Variants in CELF2 observed in about 807,000 individuals in gnomAD.
CELF2 encodes CUGBP Elav-like family member 2.
CELF2 carries 8 observed loss-of-function variants against 62.6 expected under a neutral mutation model. The ratio of observed to expected loss-of-function variants is 0.13; its 90% CI spans 0.07 to 0.23. The LOEUF is 0.23. Among genes scored for constraint, CELF2 ranks in the 10% least tolerant of loss-of-function variants. The pLI is 1.00. For missense variants in CELF2, 333 were observed against 671.0 expected, an observed-to-expected ratio of 0.50 and a Z score of 5.56; for synonymous variants, 258 against 250.0, an observed-to-expected ratio of 1.03 and a Z score of -0.30.
the CELF2 span, among the ~76,000 whole-genome samples, chr10:10,527,446 C>CA: frequency 0.49 from 61,736 of 125,770 alleles, 14,896 homozygotes; most frequent in South Asian, 0.66. Flanking sequence ...AACTCTGTCT[C>CA]AAAAAAAAAA....
intron 2 of CELF2, among the ~76,000 whole-genome samples, chr10:10,945,676 G>A (rs1592250279): frequency 1.3e-5 from 2 of 152,248 alleles, no homozygotes; most frequent in East Asian, 3.9e-4. Context: ...CCCCTCTCTG[G>A]GTGTATCTGA....
chr10:10,673,132 A>G, the CELF2 span, among the ~76,000 whole-genome samples: 2 of 152,062 alleles, frequency 1.3e-5, no homozygotes, highest in Admixed American at 6.5e-5. Context: ...TATTCACTTT[A>G]TATAACTTTA....
intron 4 of CELF2, 75 bp from the exon 5 acceptor site, chr10:11,257,663 A>T (rs2079235637): frequency 1.3e-6 from 2 of 1,539,774 alleles, no homozygotes; most frequent in Non-Finnish European, 1.8e-6. Context: ...GCCTGGTTTG[A>T]TGGGGTAATG....
At chr10:11,266,910 G>T (rs1340873892) in intron 6 of CELF2, among the ~76,000 whole-genome samples, 2 of 151,984 alleles carry the variant, frequency 1.3e-5, no homozygotes, top group East Asian at 3.9e-4. Flanking sequence ...TTGCTCTCCA[G>T]TTATTTATTT....
intron 1 of CELF2, among the ~76,000 whole-genome samples, chr10:11,138,498 A>C (rs1290444422): frequency 6.6e-6 from 1 of 152,120 alleles, no homozygotes; most frequent in Non-Finnish European, 1.5e-5. Context: ...TATTTTATTC[A>C]TTCTGTGTTT....
At chr10:10,859,238 T>A (rs1591277532) in intron 1 of CELF2, among the ~76,000 whole-genome samples, 2 of 152,304 alleles carry the variant, frequency 1.3e-5, no homozygotes, top group East Asian at 3.9e-4. Context: ...AATTTAATAA[T>A]CAGACCAAGG....
chr10:10,621,847 C>T, the CELF2 span, among the ~76,000 whole-genome samples: 3 of 152,120 alleles, frequency 2.0e-5, no homozygotes, highest in Non-Finnish European at 4.4e-5. Context: ...TAAATGTAAG[C>T]ACCCTTCCAC....
intron 5 of CELF2, among the ~76,000 whole-genome samples, chr10:11,264,033 GACAGCTTCTGTCTTACTGC>G (rs1342781925): frequency 1.4e-4 from 21 of 152,182 alleles, no homozygotes; most frequent in African/African-American, 4.8e-4. Flanking sequence ...CCCCTAAGGA[GACAGCTTCTGTCTTACTGC>G]ACCACTGCCA....
At chr10:10,935,601 C>T (rs913387660) in intron 2 of CELF2, among the ~76,000 whole-genome samples, 3 of 152,074 alleles carry the variant, frequency 2.0e-5, no homozygotes, top group Non-Finnish European at 2.9e-5. Context: ...TACAGGGATG[C>T]CTGGGAAGTT....
rs1488775405 is a variant in CELF2 at position 10,993,525 on chromosome 10, T to C, written c.89+73526T>C. 6.6e-6 allele frequency among the ~76,000 whole-genome samples: 1 copy of C among 152,180 alleles called. No homozygotes were observed. The highest frequency in any genetic ancestry group is 1.5e-5 in the Non-Finnish European group (1 of 68,038). ...ATCCTGGTATAGAAGTCTAACAGCC[T>C]AAGCCACTGGGAACACACTTGTAGT... is the stretch of plus-strand genomic sequence containing the variant. On this transcript the variant is annotated intron_variant, in intron 2 of 13. Coordinates refer to the CELF2 transcript ENST00000636488. The surrounding 1 kb of genome is among the most constrained non-coding windows in gnomAD (Gnocchi z 5.3).
chr10:10,869,455 G>A (rs1009639416), intron 1 of CELF2, among the ~76,000 whole-genome samples: 4 of 151,964 alleles, frequency 2.6e-5, no homozygotes, highest in African/African-American at 9.7e-5. Flanking sequence ...CCAGCTACTT[G>A]GGAGGCTGAG....
At chr10:11,281,562 G>A (rs749773864) in intron 8 of CELF2, among the ~76,000 whole-genome samples, 14 of 152,074 alleles carry the variant, frequency 9.2e-5, no homozygotes, top group African/African-American at 2.7e-4. Flanking sequence ...CGGAGTTCCC[G>A]ACCAGCCTGA....
the CELF2 span, among the ~76,000 whole-genome samples, chr10:10,714,512 C>T: frequency 6.6e-6 from 1 of 152,134 alleles, no homozygotes; most frequent in Non-Finnish European, 1.5e-5. Context: ...TCACAGACTA[C>T]CTTGCATCTT....
the CELF2 span, among the ~76,000 whole-genome samples, chr10:10,470,173 A>C: frequency 6.6e-6 from 1 of 151,858 alleles, no homozygotes; most frequent in Non-Finnish European, 1.5e-5. Context: ...CTCAACCTTC[A>C]TGGCCATAAA....
chr10:10,696,386 A>T, the CELF2 span, among the ~76,000 whole-genome samples: 1 of 151,686 alleles, frequency 6.6e-6, no homozygotes, highest in Non-Finnish European at 1.5e-5. Context: ...GCATGCTGGG[A>T]GAACCACTGC....
chr10:10,700,821 C>T, the CELF2 span, among the ~76,000 whole-genome samples: 1 of 152,198 alleles, frequency 6.6e-6, no homozygotes, highest in South Asian at 2.1e-4. Flanking sequence ...ACATTTAAAG[C>T]TAATACAATT....
intron 2 of CELF2, among the ~76,000 whole-genome samples, chr10:10,977,353 T>C (rs139757705): frequency 5.3e-4 from 81 of 152,366 alleles, no homozygotes; most frequent in African/African-American, 1.9e-3. Context: ...TTCCAAATAC[T>C]ATATCAGCAA....
Position 10,990,494 on chromosome 10 carries a change from C to T in CELF2, c.89+70495C>T, listed in dbSNP as rs1015319188. Among the ~76,000 whole-genome samples, 3 of 151,974 alleles carry T rather than the reference C, an allele frequency of 2.0e-5. No individual in the cohort carries two copies. The highest frequency in any genetic ancestry group is 4.4e-5 in the Non-Finnish European group (3 of 67,978). Reference sequence around the variant, plus strand: ...TTTTGTAATCATTAAAAACAATAAACGTTATTTTTAAGAGAATCATGTTCT... The same window carrying T: ...TTTTGTAATCATTAAAAACAATAAATGTTATTTTTAAGAGAATCATGTTCT... On this transcript the variant is annotated intron_variant, in intron 2 of 13. Transcript: ENST00000636488. The surrounding 1 kb of genome is among the most constrained non-coding windows in gnomAD (Gnocchi z 4.6).
the CELF2 span, among the ~76,000 whole-genome samples, chr10:10,602,163 ATG>A: frequency 2.0e-5 from 3 of 152,050 alleles, no homozygotes; most frequent in Non-Finnish European, 4.4e-5. Flanking sequence ...GGTTGATTCC[ATG>A]TCTTTGCTAT....
Sources: allele counts gnomAD v4.1 joint callset (sites outside exome capture counted in the v4.1 genomes callset), GRCh38; gene constraint gnomAD v4.1.1; non-coding constraint Gnocchi (gnomAD v3.1); transcripts MANE v1.5; gene names NCBI Gene and HGNC (gene_info 2026-07-23, HGNC 2026-07-21).